PTK2: variants seen among roughly 807,000 people sequenced by gnomAD.
PTK2 encodes protein tyrosine kinase 2, also known as focal adhesion kinase 1.
A neutral mutation model predicts 150.1 loss-of-function variants in PTK2; 45 were observed. The ratio of observed to expected loss-of-function variants is 0.30; its 90% CI spans 0.24 to 0.38. PTK2 has a LOEUF of 0.38. Among genes scored for constraint, PTK2 ranks in the 10% least tolerant of loss-of-function variants. The probability of loss-of-function intolerance (pLI) is 1.00; values close to 1 mark genes in which losing one functional copy is unlikely to be tolerated. For synonymous variants in PTK2, 432 were observed against 449.2 expected, an observed-to-expected ratio of 0.96 and a Z score of 0.48; for missense variants, 919 against 1,307.3, an observed-to-expected ratio of 0.70 and a Z score of 4.58.
chr8:140,728,300 T>C (rs1682274328), intron 22 of PTK2, among the ~76,000 whole-genome samples: 1 of 152,092 alleles, frequency 6.6e-6, no homozygotes, highest in Non-Finnish European at 1.5e-5. Flanking sequence ...ATTCCAAAGC[T>C]CATAATTTTG....
At chr8:140,921,593 A>G (rs1341193437) in intron 2 of PTK2, among the ~76,000 whole-genome samples, 1 of 152,180 alleles carries the variant, frequency 6.6e-6, no homozygotes, top group East Asian at 1.9e-4. Flanking sequence ...TTGCTGTAAA[A>G]TATTTTTCCT....
At chr8:140,892,316 C>T (rs2100154524) in intron 2 of PTK2, among the ~76,000 whole-genome samples, 1 of 152,220 alleles carries the variant, frequency 6.6e-6, no homozygotes, top group Non-Finnish European at 1.5e-5. Flanking sequence ...AGGCAGATTG[C>T]TTGAGCCCAA....
chr8:140,836,046 G>A (rs548282650), intron 7 of PTK2, among the ~76,000 whole-genome samples: 1 of 151,970 alleles, frequency 6.6e-6, no homozygotes, highest in African/African-American at 2.4e-5. Flanking sequence ...CCACGACCCT[G>A]AACTGGAATA....
intron 1 of PTK2, among the ~76,000 whole-genome samples, chr8:140,979,614 T>G (rs550580035): frequency 4.3e-4 from 65 of 152,100 alleles, no homozygotes; most frequent in African/African-American, 5.3e-4. Flanking sequence ...AGTGATACAG[T>G]TTGGCTGTGT....
At chr8:140,660,674 C>A (rs1288140136) in intron 31 of PTK2, 1 of 452,668 alleles carries the variant, frequency 2.2e-6, no homozygotes, top group Non-Finnish European at 4.4e-6. Context: ...TGTAGTGAGC[C>A]AAGATCGTGC....
intron 5 of PTK2, 31 bp downstream of exon 5, chr8:140,864,281 C>T: frequency 7.8e-7 from 1 of 1,285,632 alleles, no homozygotes; most frequent in Non-Finnish European, 1.1e-6. Context: ...AAGAAACAAA[C>T]AAAAAAGTAT....
intron 7 of PTK2, among the ~76,000 whole-genome samples, chr8:140,836,622 C>T (rs117731231): frequency 1.1e-3 from 163 of 152,274 alleles, no homozygotes; most frequent in East Asian, 4.6e-3. Context: ...CAATTGACTA[C>T]TGTTGACAAG....
intron 1 of PTK2, among the ~76,000 whole-genome samples, chr8:140,938,662 A>G (rs2100174570): frequency 6.6e-6 from 1 of 152,142 alleles, no homozygotes; most frequent in African/African-American, 2.4e-5. Context: ...GTACAAAACA[A>G]AGAGCTTCAG....
At chr8:140,995,642 A>AC (rs2100197402) in intron 1 of PTK2, among the ~76,000 whole-genome samples, 1 of 151,670 alleles carries the variant, frequency 6.6e-6, no homozygotes, top group Non-Finnish European at 1.5e-5. Context: ...TCTCTACTAA[A>AC]AAAACAAACA....
At position 140,798,346 on chromosome 8, in the gene PTK2, T is replaced by C. The variant is rs116130303; in HGVS notation, c.1093+2113A>G. On this transcript the variant is annotated intron_variant, in intron 12 of 31. Coordinates refer to ENST00000522684, the Ensembl canonical transcript of PTK2. ...TTCACCTTAGGGATCTATGATGAAATAGTTATATAATACATAAACATGCTA... is the reference window on the plus strand; with the variant it reads ...TTCACCTTAGGGATCTATGATGAAACAGTTATATAATACATAAACATGCTA... Among the ~76,000 whole-genome samples, 656 of 152,290 alleles carry C rather than the reference T, an allele frequency of 4.3e-3. 4 individuals are homozygous for C. The highest frequency in any genetic ancestry group is 0.015 in the African/African-American group (625 of 41,566).
intron 1 of PTK2, among the ~76,000 whole-genome samples, chr8:140,996,222 T>G (rs2100197733): frequency 6.6e-6 from 1 of 152,220 alleles, no homozygotes; most frequent in Admixed American, 6.6e-5. Context: ...AGAAAGCTCC[T>G]CCTCTTCAAT....
At chr8:140,880,251 T>G (rs960349414) in intron 3 of PTK2, among the ~76,000 whole-genome samples, 1 of 152,214 alleles carries the variant, frequency 6.6e-6, no homozygotes, top group Admixed American at 6.5e-5. Flanking sequence ...TACTCCCAAA[T>G]CTAATGCCTC....
chr8:140,664,736 C>G (rs1464511571), intron 31 of PTK2, among the ~76,000 whole-genome samples, 181 bp downstream of exon 35: 1 of 152,186 alleles, frequency 6.6e-6, no homozygotes, highest in Non-Finnish European at 1.5e-5. Context: ...CCCCTATGCC[C>G]TAGAATGAAC....
At chr8:140,876,854 G>T (rs936364936) in intron 4 of PTK2, among the ~76,000 whole-genome samples, 3 of 151,756 alleles carry the variant, frequency 2.0e-5, no homozygotes, top group African/African-American at 7.3e-5. Flanking sequence ...AATTCTCTTG[G>T]TTATTTTTGA....
rs1235028836 is a variant in PTK2 at position 140,960,778 on chromosome 8, T to TA, written c.-121-35030dup. On this transcript the variant is annotated intron_variant, in intron 1 of 31. Transcript: ENST00000522684. ...GGGCAGATCACCTGAGGTCAGGAGTTAAGACCAACCCGACCAACATGGTAA... is the reference window on the plus strand; with the variant it reads ...GGGCAGATCACCTGAGGTCAGGAGTTAAAGACCAACCCGACCAACATGGTAA... 2.0e-5 allele frequency among the ~76,000 whole-genome samples: 3 copies of TA among 152,098 alleles called. No homozygotes were observed. In the East Asian group the frequency reaches 5.8e-4, roughly 30 times the overall value.
At chr8:140,820,818 G>C (rs528085004) in intron 8 of PTK2, 1 of 152,248 alleles carries the variant, frequency 6.6e-6, no homozygotes, top group South Asian at 2.1e-4. Flanking sequence ...GTCCTGGCTG[G>C]CCCAGCAGAC....
At chr8:140,800,391 G>T in intron 12 of PTK2, 68 bp downstream of exon 12, 1 of 1,261,344 alleles carries the variant, frequency 7.9e-7, no homozygotes, top group Non-Finnish European at 1.2e-6. Context: ...ATAACAGGCT[G>T]TTAGGGGCAA....
chr8:140,898,925 A>C (rs73356517), intron 2 of PTK2, among the ~76,000 whole-genome samples: 1,634 of 152,338 alleles, frequency 0.011, 33 homozygotes, highest in African/African-American at 0.037. Context: ...CAGCTAAATC[A>C]AAAGAAATTA....
chr8:140,822,152 G>A (rs1366964846), intron 8 of PTK2: 2 of 152,252 alleles, frequency 1.3e-5, no homozygotes, highest in East Asian at 3.9e-4. Context: ...AAGCAGGCCC[G>A]CTACACTCTG....
Sources: allele counts gnomAD v4.1 joint callset (sites outside exome capture counted in the v4.1 genomes callset), GRCh38; gene constraint gnomAD v4.1.1; transcripts MANE v1.5; gene names NCBI Gene and HGNC (gene_info 2026-07-23, HGNC 2026-07-21).